Variants in ATP2B2 observed in about 807,000 individuals in gnomAD.
ATP2B2 encodes ATPase plasma membrane Ca2+ transporting 2, also known as plasma membrane calcium-transporting ATPase 2.
In ATP2B2, 15 loss-of-function variants were observed where a neutral mutation model predicts 120.0. The ratio of observed to expected loss-of-function variants is 0.12; its 90% CI spans 0.08 to 0.19. The LOEUF (loss-of-function observed/expected upper bound fraction) is 0.19, where lower values mean the gene tolerates loss of function less well. ATP2B2 is among the 10% of genes least tolerant of loss of function. The pLI, the probability that ATP2B2 is intolerant of heterozygous loss-of-function variation, is 1.00. For missense variants in ATP2B2, 1,045 were observed against 1,719.8 expected, an observed-to-expected ratio of 0.61 and a Z score of 6.94; for synonymous variants, 694 against 700.3, an observed-to-expected ratio of 0.99 and a Z score of 0.14.
intron 1 of ATP2B2, among the ~76,000 whole-genome samples, chr3:10,465,505 C>G (rs2064697552): frequency 6.6e-6 from 1 of 152,242 alleles, no homozygotes; most frequent in Admixed American, 6.5e-5. Context: ...TCCTGAATCC[C>G]AGGCCTCATG....
In ATP2B2 at chr3:10,390,077, C is replaced by T. The variant is rs148541599; in HGVS notation, c.782-1675G>A. On this transcript the variant is annotated intron_variant, in intron 5 of 22. Coordinates refer to ENST00000360273, the MANE Select transcript of ATP2B2 (RefSeq NM_001001331.4). The stretch of plus-strand genomic sequence containing the variant: ...TATGATGCAGGACACACTACCTTCT[C>T]AGATGGGGGAGTAAGAATTCCACCC... 6.5e-3 allele frequency among the ~76,000 whole-genome samples: 990 copies of T among 152,264 alleles called. 17 individuals carry two copies. The highest frequency in any genetic ancestry group is 0.022 in the African/African-American group (908 of 41,530).
chr3:10,520,757 C>CTTTTT (rs5846668), intron 3 of ATP2B2, among the ~76,000 whole-genome samples: 16 of 145,750 alleles, frequency 1.1e-4, no homozygotes, highest in East Asian at 6.1e-4. Flanking sequence ...CACCTGGCCT[C>CTTTTT]TTTTTTTTTT....
intron 2 of ATP2B2, among the ~76,000 whole-genome samples, chr3:10,578,257 G>A (rs2068299535): frequency 6.6e-6 from 1 of 152,110 alleles, no homozygotes; most frequent in African/African-American, 2.4e-5. Flanking sequence ...AGTTTTGGTA[G>A]TTTCAAGTAA....
intron 14 of ATP2B2, among the ~76,000 whole-genome samples, chr3:10,352,220 G>A (rs2060598606): frequency 6.6e-6 from 1 of 152,246 alleles, no homozygotes; most frequent in East Asian, 1.9e-4. Flanking sequence ...GCCTGCCTCT[G>A]GGCAGGAGGG....
chr3:10,375,064 T>C lies in ATP2B2; in HGVS notation c.1416+366A>G, dbSNP rs914821452. 6.6e-6 allele frequency among the ~76,000 whole-genome samples: 1 copy of C among 152,166 alleles called. No individual in the cohort carries two copies. The highest frequency in any genetic ancestry group is 1.5e-5 in the Non-Finnish European group (1 of 68,032). ...GATGTCTTTATTATTTTTTTAAAATTTTTGAGTTGATTATCAATGTCTAAA... is the reference window on the plus strand; with the variant it reads ...GATGTCTTTATTATTTTTTTAAAATCTTTGAGTTGATTATCAATGTCTAAA... On this transcript the variant is annotated intron_variant, in intron 11 of 22. Coordinates refer to ENST00000360273, the MANE Select transcript of ATP2B2 (RefSeq NM_001001331.4). The surrounding 1 kb of genome is among the most constrained non-coding windows in gnomAD (Gnocchi z 4.2).
intron 12 of ATP2B2, among the ~76,000 whole-genome samples, chr3:10,370,400 A>G (rs1225597111): frequency 1.3e-5 from 2 of 152,238 alleles, no homozygotes; most frequent in Non-Finnish European, 2.9e-5. Context: ...AGAATAAAGC[A>G]TCGCTGATCT....
At chr3:10,702,662 T>C (rs1356396934) in intron 1 of ATP2B2, among the ~76,000 whole-genome samples, 1 of 152,206 alleles carries the variant, frequency 6.6e-6, no homozygotes, top group Non-Finnish European at 1.5e-5. Flanking sequence ...ACTTGGGCTC[T>C]GCCCAGCACA....
intron 1 of ATP2B2, among the ~76,000 whole-genome samples, chr3:10,469,050 C>T (rs887867748): frequency 5.3e-5 from 8 of 151,818 alleles, no homozygotes; most frequent in African/African-American, 1.7e-4. Context: ...TATTTCCACT[C>T]ATCTCGCAAA....
At chr3:10,692,656 G>A (rs946711864) in intron 1 of ATP2B2, among the ~76,000 whole-genome samples, 7 of 152,138 alleles carry the variant, frequency 4.6e-5, no homozygotes, top group African/African-American at 1.7e-4. Context: ...TCCAGGATGT[G>A]GGTTCCCGGC....
chr3:10,533,505 C>A (rs2067251219), intron 3 of ATP2B2, among the ~76,000 whole-genome samples: 1 of 152,196 alleles, frequency 6.6e-6, no homozygotes, highest in Admixed American at 6.5e-5. Flanking sequence ...AGCTGCCAAG[C>A]TCTCAATAAC....
intron 1 of ATP2B2, among the ~76,000 whole-genome samples, chr3:10,457,274 T>C (rs768509798): frequency 1.1e-4 from 16 of 151,938 alleles, no homozygotes; most frequent in Non-Finnish European, 2.1e-4. Flanking sequence ...TTAGTGTGAG[T>C]ATGCAGGGCT....
intron 14 of ATP2B2, among the ~76,000 whole-genome samples, chr3:10,354,546 C>T (rs913397092): frequency 6.6e-6 from 1 of 152,174 alleles, no homozygotes; most frequent in Non-Finnish European, 1.5e-5. Context: ...CAAACACCCC[C>T]GGATAACCCG....
At chr3:10,668,894 A>G (rs1052777023) in intron 1 of ATP2B2, among the ~76,000 whole-genome samples, 1 of 152,184 alleles carries the variant, frequency 6.6e-6, no homozygotes, top group African/African-American at 2.4e-5. Context: ...CGCTCAGTGG[A>G]TCATGCACAA....
chr3:10,625,819 A>G (rs1435103529), intron 1 of ATP2B2, among the ~76,000 whole-genome samples: 3 of 152,218 alleles, frequency 2.0e-5, no homozygotes, highest in African/African-American at 4.8e-5. Flanking sequence ...CGCGTATTGT[A>G]TGTTTAACAC....
At chr3:10,413,922 A>G (rs1306471337) in intron 2 of ATP2B2, among the ~76,000 whole-genome samples, 1 of 152,196 alleles carries the variant, frequency 6.6e-6, no homozygotes, top group Non-Finnish European at 1.5e-5. Context: ...GGGAGGGGCT[A>G]TGACCAGCCA....
At chr3:10,350,661 C>G in intron 14 of ATP2B2, 84 bp from the exon 15 acceptor site, 1 of 1,451,144 alleles carries the variant, frequency 6.9e-7, no homozygotes, top group Non-Finnish European at 9.5e-7. Flanking sequence ...AGGAGCCCTT[C>G]TCACAGGCAG....
At chr3:10,621,371 C>T (rs2069543534) in intron 1 of ATP2B2, among the ~76,000 whole-genome samples, 1 of 152,254 alleles carries the variant, frequency 6.6e-6, no homozygotes, top group African/African-American at 2.4e-5. Context: ...AGCCCCAGAG[C>T]TCCCCGCCCC....
Position 10,340,581 on chromosome 3 carries a change from C to T in ATP2B2, c.3041G>A (p.Arg1014His). 2.5e-6 allele frequency: 4 copies of T among 1,614,214 alleles called. No homozygotes were observed. The highest frequency in any genetic ancestry group is 3.4e-6 in the Non-Finnish European group (4 of 1,180,044). Reference sequence around the variant, plus strand: ...GACATTGCGCTCGCCGTGGATCTTGCGGGCGTTGATCTCGTTGAAGAGCTG... The same window carrying T: ...GACATTGCGCTCGCCGTGGATCTTGTGGGCGTTGATCTCGTTGAAGAGCTG... ...MMQLFNEINA[R>H]KIHGERNVFD... is the part of the protein sequence containing the mutation. The change falls in exon 20 of 23, where the codon CGC (arginine) becomes CAC (histidine). Residue 1014 changes from arginine (R) to histidine (H), a missense_variant. Physicochemically the swap from Arg to His is conservative, Grantham distance 29 (BLOSUM62 0). Around this residue, in one of 11 missense-constraint regions of ATP2B2, gnomAD observed 211 missense variants for 385.1 expected, o/e 0.55. Transcript: ENST00000360273. The surrounding 1 kb of genome is among the most constrained non-coding windows in gnomAD (Gnocchi z 5.0).
At chr3:10,354,211 T>C (rs571518784) in intron 14 of ATP2B2, among the ~76,000 whole-genome samples, 4 of 152,178 alleles carry the variant, frequency 2.6e-5, no homozygotes, top group Admixed American at 6.5e-5. Flanking sequence ...GGACTTAATT[T>C]TGTTGCTCAC....
Sources: gnomAD v4.1 joint callset for allele counts (sites outside exome capture counted in the v4.1 genomes callset) on GRCh38, gnomAD v4.1.1 for gene constraint, gnomAD v4.1.1 regional missense constraint, Gnocchi (gnomAD v3.1) non-coding constraint, MANE v1.5 for transcripts, NCBI Gene and HGNC (gene_info 2026-07-23, HGNC 2026-07-21) for gene names.